The following PIBF1 variants were observed in gnomAD, a reference collection of about 807,000 sequenced individuals.
PIBF1 encodes progesterone-induced-blocking factor 1.
Under a neutral mutation model 112.5 loss-of-function variants are expected in PIBF1, and 90 were observed. That is an observed-to-expected ratio of 0.80 (90% confidence interval 0.67 to 0.95). The LOEUF (loss-of-function observed/expected upper bound fraction) is 0.95, where lower values mean the gene tolerates loss of function less well. Among genes scored for constraint, PIBF1 ranks in the 40% least tolerant of loss-of-function variants. The pLI is 0.00. For synonymous variants in PIBF1, 301 were observed against 288.6 expected (o/e 1.04, Z -0.44); for missense variants, 915 against 852.3 (o/e 1.07, Z -0.92).
At chr13:72,863,657 CAA>C (rs529449867) in intron 10 of PIBF1, among the ~76,000 whole-genome samples, 6 of 54,390 alleles carry the variant, frequency 1.1e-4, no homozygotes, top group Admixed American at 1.9e-4. Flanking sequence ...GACTCCGTCT[CAA>C]AAAAAAAAAA....
At chr13:72,870,744 A>G (rs2039126475) in intron 10 of PIBF1, among the ~76,000 whole-genome samples, 1 of 151,918 alleles carries the variant, frequency 6.6e-6, no homozygotes, top group Non-Finnish European at 1.5e-5. Context: ...AAGCATTTGA[A>G]GTGTGAAATT....
intron 10 of PIBF1, among the ~76,000 whole-genome samples, chr13:72,879,923 G>A (rs529481922): frequency 3.5e-4 from 53 of 152,198 alleles, no homozygotes; most frequent in Non-Finnish European, 5.3e-4. Flanking sequence ...CTGCTTTTAT[G>A]CTACAACCGC....
chr13:72,810,959 C>A (rs1201641040), intron 5 of PIBF1, among the ~76,000 whole-genome samples: 2 of 151,952 alleles, frequency 1.3e-5, no homozygotes, highest in African/African-American at 4.8e-5. Context: ...CAGGTTCACA[C>A]CATTCTCCTG....
intron 12 of PIBF1, among the ~76,000 whole-genome samples, chr13:72,912,208 C>CT (rs2138672257): frequency 6.6e-6 from 1 of 152,168 alleles, no homozygotes; most frequent in South Asian, 2.1e-4. Flanking sequence ...GACTTACTAC[C>CT]TGTAGAGCTA....
chr13:72,939,496 T>A (rs2041956447), intron 14 of PIBF1, among the ~76,000 whole-genome samples: 1 of 152,326 alleles, frequency 6.6e-6, no homozygotes, highest in East Asian at 1.9e-4. Context: ...ACGTTTTGTG[T>A]CTGGTTTCTT....
At chr13:72,957,094 A>G (rs564777828) in intron 14 of PIBF1, among the ~76,000 whole-genome samples, 2 of 152,238 alleles carry the variant, frequency 1.3e-5, no homozygotes, top group Non-Finnish European at 2.9e-5. Context: ...ACCAATATGG[A>G]AAACTGTGTA....
intron 16 of PIBF1, among the ~76,000 whole-genome samples, chr13:72,974,787 A>G (rs963608489): frequency 6.6e-6 from 1 of 152,244 alleles, no homozygotes; most frequent in Non-Finnish European, 1.5e-5. Flanking sequence ...AATATAAACA[A>G]AAGTTTCCAT....
chr13:72,964,718 C>G (rs1053045343), intron 14 of PIBF1, among the ~76,000 whole-genome samples: 1 of 152,012 alleles, frequency 6.6e-6, no homozygotes, highest in African/African-American at 2.4e-5. Flanking sequence ...AAGACAAATA[C>G]TAAGAAAATT....
intron 9 of PIBF1, among the ~76,000 whole-genome samples, chr13:72,846,829 A>G (rs537329972): frequency 2.0e-5 from 3 of 152,304 alleles, no homozygotes; most frequent in Middle Eastern, 3.4e-3. Context: ...TGTGATCTCC[A>G]TGAGAGTAGG....
intron 10 of PIBF1, among the ~76,000 whole-genome samples, chr13:72,892,810 G>GCACACA (rs1555307885): frequency 8.5e-6 from 1 of 117,576 alleles, no homozygotes; most frequent in African/African-American, 4.1e-5. Context: ...ACACACACAC[G>GCACACA]CACACGCACA....
At chr13:72,849,346 C>G (rs904439864) in intron 9 of PIBF1, among the ~76,000 whole-genome samples, 2 of 152,186 alleles carry the variant, frequency 1.3e-5, no homozygotes, top group Non-Finnish European at 2.9e-5. Context: ...AAAACTTGAG[C>G]TTCGTTAGCT....
intron 5 of PIBF1, among the ~76,000 whole-genome samples, chr13:72,801,039 G>A (rs1291719497): frequency 1.3e-5 from 2 of 152,182 alleles, no homozygotes; most frequent in Non-Finnish European, 2.9e-5. Flanking sequence ...AGGCAGGGGG[G>A]TACTTTGGTA....
At chr13:72,907,994 G>T (rs1225782982) in intron 11 of PIBF1, among the ~76,000 whole-genome samples, 1 of 152,064 alleles carries the variant, frequency 6.6e-6, no homozygotes, top group African/African-American at 2.4e-5. Context: ...GGCATTTTCT[G>T]ATACTGCCTC....
chr13:72,941,543 A>G (rs1441598098), intron 14 of PIBF1, among the ~76,000 whole-genome samples: 1 of 152,188 alleles, frequency 6.6e-6, no homozygotes, highest in African/African-American at 2.4e-5. Flanking sequence ...CTTATTCACA[A>G]AGGCCTTATT....
At chr13:72,784,696 T>C (rs2034501584) in intron 2 of PIBF1, among the ~76,000 whole-genome samples, 1 of 151,860 alleles carries the variant, frequency 6.6e-6, no homozygotes, top group Non-Finnish European at 1.5e-5. Context: ...GGGCAGACAT[T>C]GCAGTGAGCT....
chr13:72,925,716 AT>A (rs1432136025), intron 13 of PIBF1, among the ~76,000 whole-genome samples: 1 of 151,526 alleles, frequency 6.6e-6, no homozygotes, highest in Non-Finnish European at 1.5e-5. Context: ...TAATTTTTGT[AT>A]TTTTAGGAGA....
At chr13:72,867,458 A>G (rs984440232) in intron 10 of PIBF1, among the ~76,000 whole-genome samples, 1 of 152,210 alleles carries the variant, frequency 6.6e-6, no homozygotes, top group Non-Finnish European at 1.5e-5. Flanking sequence ...TATTATTATT[A>G]CCATCATCTA....
chr13:72,832,252 T>G (rs1419029555), intron 8 of PIBF1, among the ~76,000 whole-genome samples: 2 of 152,106 alleles, frequency 1.3e-5, no homozygotes, highest in Non-Finnish European at 2.9e-5. Context: ...TTGGGGCATT[T>G]AGCCTGTTTA....
rs369444331 is a variant in PIBF1, at chr13:72,964,623, T to C, written c.1834-651T>C. Reference sequence around the variant, plus strand: ...ATGGTGTGAATATTTTTAGTAGAAGTAAAGCTGAAATAAAAGAGTTTAACT... The same window carrying C: ...ATGGTGTGAATATTTTTAGTAGAAGCAAAGCTGAAATAAAAGAGTTTAACT... On this transcript the variant is annotated intron_variant, in intron 14 of 17. Transcript: ENST00000326291. Among the ~76,000 whole-genome samples, 10 of 152,194 alleles carry C rather than the reference T, an allele frequency of 6.6e-5. No individual in the cohort carries two copies. In the East Asian group the frequency reaches 1.5e-3, roughly 23 times the overall value.
Sources: gnomAD v4.1 joint callset for allele counts (sites outside exome capture counted in the v4.1 genomes callset) on GRCh38, gnomAD v4.1.1 for gene constraint, MANE v1.5 for transcripts, NCBI Gene and HGNC (gene_info 2026-07-23, HGNC 2026-07-21) for gene names.